The following SUMF1 variants were observed in gnomAD, a reference collection of about 807,000 sequenced individuals.
SUMF1 encodes sulfatase modifying factor 1.
SUMF1 carries 48 observed loss-of-function variants against 47.6 expected under a neutral mutation model. That is an observed-to-expected ratio of 1.01 (90% CI 0.80 to 1.28). The LOEUF (loss-of-function observed/expected upper bound fraction) is 1.28. Ranked by LOEUF, SUMF1 falls within the 50% of genes most tolerant of loss-of-function variation. SUMF1 has a pLI of 0.00. For synonymous variants in SUMF1, 230 were observed against 192.1 expected (o/e 1.20, Z -1.63); for missense variants, 571 against 485.4 (o/e 1.18, Z -1.66).
chr3:4,143,460 A>C (rs1216545608), intron 8 of SUMF1, among the ~76,000 whole-genome samples: 1 of 152,126 alleles, frequency 6.6e-6, no homozygotes, highest in Non-Finnish European at 1.5e-5. Context: ...TCAAGCAAGA[A>C]CAGTAGCAAT....
intron 7 of SUMF1, among the ~76,000 whole-genome samples, chr3:4,405,384 A>T (rs1360894797): frequency 6.6e-6 from 1 of 151,850 alleles, no homozygotes; most frequent in East Asian, 1.9e-4. Context: ...TTTTGTGTGT[A>T]TTTTGTTTGT....
intron 8 of SUMF1, among the ~76,000 whole-genome samples, chr3:4,178,379 G>A (rs1239770834): frequency 6.6e-6 from 1 of 152,152 alleles, no homozygotes; most frequent in Non-Finnish European, 1.5e-5. Flanking sequence ...ATGCAAGTCT[G>A]GTTCAACATA....
At chr3:4,088,557 T>C (rs1324801280) in intron 8 of SUMF1, among the ~76,000 whole-genome samples, 1 of 152,104 alleles carries the variant, frequency 6.6e-6, no homozygotes, top group Non-Finnish European at 1.5e-5. Context: ...TTGTCTATAA[T>C]ATTTATCACT....
intron 8 of SUMF1, among the ~76,000 whole-genome samples, chr3:4,336,798 T>A (rs2125134898): frequency 6.6e-6 from 1 of 152,370 alleles, no homozygotes; most frequent in African/African-American, 2.4e-5. Flanking sequence ...AAAACCATAG[T>A]TTCATACATG....
chr3:4,180,846 C>G (rs973794406), intron 8 of SUMF1, among the ~76,000 whole-genome samples: 1 of 151,964 alleles, frequency 6.6e-6, no homozygotes, highest in Non-Finnish European at 1.5e-5. Context: ...GAGTGAAACC[C>G]TGTCTCAACA....
At chr3:4,222,024 TTTA>T (rs1696077251) in intron 8 of SUMF1, among the ~76,000 whole-genome samples, 1 of 152,020 alleles carries the variant, frequency 6.6e-6, no homozygotes, top group African/African-American at 2.4e-5. Context: ...CTTTTGAAGA[TTTA>T]TTGACAGGAA....
At chr3:4,092,882 GA>G (rs1423000861) in intron 8 of SUMF1, among the ~76,000 whole-genome samples, 2 of 152,034 alleles carry the variant, frequency 1.3e-5, no homozygotes, top group East Asian at 3.9e-4. Context: ...AGTCATGGAA[GA>G]AATGGTTAGA....
At chr3:4,390,377 C>A (rs964402) in intron 7 of SUMF1, among the ~76,000 whole-genome samples, 46,889 of 152,092 alleles carry the variant, frequency 0.31, 7,481 homozygotes, top group East Asian at 0.41. Flanking sequence ...AGACTCCCCA[C>A]TCAGCCTTTG....
At chr3:4,304,463 C>T (rs1174031870) in intron 8 of SUMF1, among the ~76,000 whole-genome samples, 1 of 152,200 alleles carries the variant, frequency 6.6e-6, no homozygotes, top group African/African-American at 2.4e-5. Flanking sequence ...CTTATCCCTC[C>T]GACCTTGGCC....
chr3:4,156,963 G>C (rs140943219), intron 8 of SUMF1, among the ~76,000 whole-genome samples: 112 of 151,606 alleles, frequency 7.4e-4, no homozygotes, highest in Non-Finnish European at 1.1e-3. Context: ...CATTTTCACA[G>C]CCTTTCATTT....
intron 8 of SUMF1, chr3:4,312,946 C>G (rs756875633): frequency 1.2e-6 from 2 of 1,613,788 alleles, no homozygotes; most frequent in African/African-American, 2.7e-5. Flanking sequence ...TGATCCCACT[C>G]AAATAACCTT....
chr3:4,301,748 G>A (rs549623177), intron 8 of SUMF1, among the ~76,000 whole-genome samples: 26 of 152,298 alleles, frequency 1.7e-4, no homozygotes, highest in African/African-American at 5.8e-4. Flanking sequence ...AAGACTGGCA[G>A]AAGAAGTCAA....
chr3:4,312,944 C>T (rs1299994403), intron 8 of SUMF1: 5 of 1,613,724 alleles, frequency 3.1e-6, no homozygotes, highest in African/African-American at 1.3e-5. Context: ...ATTGATCCCA[C>T]TCAAATAACC....
In SUMF1 at chr3:4,417,246, T is replaced by C. The variant is rs770561805; in HGVS notation, c.726-4A>G. On this transcript the variant is annotated splice_polypyrimidine_tract_variant and splice_region_variant and intron_variant, in intron 5 of 8. Coordinates refer to ENST00000272902, the MANE Select transcript of SUMF1 (RefSeq NM_182760.4). ...TTTGTTGCCCCAGGGGAAAAGTCTG[T>C]CAGAAGAGACACAGGCATCAGCCTG... 6 of 1,613,656 alleles carry C rather than the reference T, an allele frequency of 3.7e-6. No individual in the cohort carries two copies. The highest frequency in any genetic ancestry group is 5.1e-6 in the Non-Finnish European group (6 of 1,179,672).
intron 8 of SUMF1, among the ~76,000 whole-genome samples, chr3:4,253,185 G>C (rs974050291): frequency 1.3e-5 from 2 of 152,212 alleles, no homozygotes; most frequent in East Asian, 1.9e-4. Flanking sequence ...TTCCTCTCAA[G>C]AAGGGATCAT....
At chr3:4,110,519 T>A (rs963350891) in intron 8 of SUMF1, among the ~76,000 whole-genome samples, 2 of 152,098 alleles carry the variant, frequency 1.3e-5, no homozygotes, top group Non-Finnish European at 2.9e-5. Flanking sequence ...TTATAAATCA[T>A]GCTGCTATAA....
chr3:4,164,612 G>A (rs1358728392), intron 8 of SUMF1, among the ~76,000 whole-genome samples: 2 of 152,144 alleles, frequency 1.3e-5, no homozygotes, highest in Non-Finnish European at 2.9e-5. Context: ...TGTCCTCTCT[G>A]AACCACCAAG....
chr3:4,402,411 G>T (rs935258060), intron 7 of SUMF1, among the ~76,000 whole-genome samples: 2 of 152,152 alleles, frequency 1.3e-5, no homozygotes, highest in African/African-American at 2.4e-5. Flanking sequence ...TCTTAGCATA[G>T]TGCATCTTGA....
At chr3:4,267,695 C>T (rs1390272973) in intron 8 of SUMF1, among the ~76,000 whole-genome samples, 1 of 151,286 alleles carries the variant, frequency 6.6e-6, no homozygotes, top group Non-Finnish European at 1.5e-5. Context: ...GATATCATCT[C>T]ACACCAGTTA....
Sources: allele counts gnomAD v4.1 joint callset (sites outside exome capture counted in the v4.1 genomes callset), GRCh38; gene constraint gnomAD v4.1.1; transcripts MANE v1.5; gene names NCBI Gene and HGNC (gene_info 2026-07-23, HGNC 2026-07-21).